TRPM1: variants seen among roughly 807,000 people sequenced by gnomAD.
TRPM1 encodes the protein TRPM1-203 APA Isoform, Intron 10.
In TRPM1, 113 loss-of-function variants were observed where a neutral mutation model predicts 149.4. That is an observed-to-expected ratio of 0.76 (90% confidence interval 0.65 to 0.88). The LOEUF is 0.88. TRPM1 is among the 40% of genes least tolerant of loss of function. TRPM1 has a pLI of 0.00. For missense variants in TRPM1, 1,976 were observed against 2,038.7 expected (o/e 0.97, Z 0.59); for synonymous variants, 741 against 759.5 (o/e 0.98, Z 0.40).
intron 1 of TRPM1, among the ~76,000 whole-genome samples, chr15:31,094,747 G>A (rs2035331682): frequency 6.6e-6 from 1 of 152,214 alleles, no homozygotes; most frequent in Non-Finnish European, 1.5e-5. Context: ...CAAGGATGTG[G>A]AGGAATTGGA....
intron 1 of TRPM1, among the ~76,000 whole-genome samples, chr15:31,148,930 C>T (rs907643032): frequency 1.3e-5 from 2 of 152,172 alleles, no homozygotes; most frequent in African/African-American, 2.4e-5. Context: ...CTCCCCTCCC[C>T]GCAGTCCTGG....
intron 1 of TRPM1, among the ~76,000 whole-genome samples, chr15:31,134,453 A>G (rs2036062133): frequency 6.6e-6 from 1 of 152,214 alleles, no homozygotes; most frequent in Non-Finnish European, 1.5e-5. Flanking sequence ...ATTTAAATCT[A>G]TAAAGGAAAT....
intron 23 of TRPM1, among the ~76,000 whole-genome samples, chr15:31,030,440 C>T (rs1020765909): frequency 6.6e-6 from 1 of 152,190 alleles, no homozygotes; most frequent in Non-Finnish European, 1.5e-5. Flanking sequence ...GGAGCTGGGC[C>T]TACATTCCCC....
rs146628043 is a variant in TRPM1 at position 31,004,309 on chromosome 15, T to A, written c.3630-1239A>T. 2.0e-4 allele frequency among the ~76,000 whole-genome samples: 30 copies of A among 151,274 alleles called. No individual in the cohort carries two copies. The East Asian group carries it at 2.7e-3, about 14-fold the overall frequency. On this transcript the variant is annotated intron_variant, in intron 27 of 27. Transcript: ENST00000256552. ...ATTTCACGGTGGTCAGCCACCCCGC[T>A]CTTTTGTCTTCTGAGCAGATTGCCT...
intron 1 of TRPM1, among the ~76,000 whole-genome samples, chr15:31,125,076 G>A (rs2035929946): frequency 1.3e-5 from 2 of 152,152 alleles, no homozygotes; most frequent in South Asian, 4.1e-4. Context: ...TTGGGAGACT[G>A]AGGTAGGAGA....
intron 1 of TRPM1, among the ~76,000 whole-genome samples, chr15:31,133,028 A>G (rs989252031): frequency 1.3e-5 from 2 of 152,234 alleles, no homozygotes; most frequent in African/African-American, 4.8e-5. Context: ...AGACTAATAC[A>G]GTAAAACTGG....
intron 26 of TRPM1, 96 bp from the exon 27 acceptor site, chr15:31,026,367 T>C: frequency 6.9e-7 from 1 of 1,455,288 alleles, no homozygotes; most frequent in Non-Finnish European, 9.4e-7. Context: ...AATTAAGCTC[T>C]CTTCTCCGCC....
At chr15:31,107,777 C>T (rs972876045) in intron 1 of TRPM1, among the ~76,000 whole-genome samples, 1 of 151,412 alleles carries the variant, frequency 6.6e-6, no homozygotes, top group African/African-American at 2.4e-5. Flanking sequence ...TATAACTTTT[C>T]TTGTGACTTT....
chr15:31,027,078 C>T lies in TRPM1; in HGVS notation c.3333G>A (p.Val1111=). The change falls in exon 26 of 28, where the codon GTG becomes GTA. Residue 1111 remains valine (V), a synonymous_variant. Coordinates refer to ENST00000256552, the MANE Select transcript of TRPM1 (RefSeq NM_001252024.2). ...FFEVKSISNQ[V]WKFQRYQLIM... is the part of the protein sequence containing the mutation. ...TCAGCTGATATCGCTGGAACTTCCA[C>T]ACCTGGTTGGATATTGATTTTACTT... 6.2e-7 allele frequency: 1 copy of T among 1,614,184 alleles called. No individual in the cohort carries two copies. The highest frequency in any genetic ancestry group is 8.5e-7 in the Non-Finnish European group (1 of 1,180,040).
At chr15:31,019,487 C>T (rs1425989125) in intron 27 of TRPM1, among the ~76,000 whole-genome samples, 2 of 152,152 alleles carry the variant, frequency 1.3e-5, no homozygotes, top group African/African-American at 4.8e-5. Context: ...GTGCAACCTT[C>T]GCCTCTCGGG....
chr15:31,149,621 G>A (rs1223881), intron 1 of TRPM1, among the ~76,000 whole-genome samples: 81,422 of 150,360 alleles, frequency 0.54, 24,160 homozygotes, highest in African/African-American at 0.8. Flanking sequence ...CCGGGTTCAC[G>A]CCATTCTCCT....
intron 1 of TRPM1, among the ~76,000 whole-genome samples, chr15:31,124,418 C>T (rs535024191): frequency 3.3e-5 from 5 of 152,102 alleles, no homozygotes; most frequent in South Asian, 2.1e-4. Flanking sequence ...CTTTGGGAGG[C>T]GAAGTCAGGC....
At chr15:31,058,582 CA>C (rs1292178859) in intron 11 of TRPM1, among the ~76,000 whole-genome samples, 7 of 152,246 alleles carry the variant, frequency 4.6e-5, no homozygotes, top group Non-Finnish European at 1.0e-4. Flanking sequence ...AGCAGGACCT[CA>C]ATGATTAAAG....
chr15:31,002,819 A>T lies in TRPM1; in HGVS notation c.3881T>A (p.Leu1294Ter). The T allele has an allele frequency of 6.2e-7, 1 of 1,614,216 alleles. No individual in the cohort carries two copies. Among genetic ancestry groups the T allele is most frequent in the South Asian group, 1.1e-5 (1 of 91,090 alleles). The change falls in exon 28 of 28, where the codon TTG becomes TAG. Residue 1294 changes from leucine to a stop codon, truncating the protein, a stop_gained. Coordinates refer to ENST00000256552, the MANE Select transcript of TRPM1 (RefSeq NM_001252024.2). LOFTEE classifies it low-confidence loss of function (END_TRUNC). ...SSINSADGYS[L>*]YRYHFNGEEL... ...TTCTCCGTTAAAATGATATCGATACAAGCTGTAGCCATCAGCGCTATTGAT... is the reference window on the plus strand; with the variant it reads ...TTCTCCGTTAAAATGATATCGATACTAGCTGTAGCCATCAGCGCTATTGAT...
At chr15:31,114,562 G>A (rs1311170016) in intron 1 of TRPM1, among the ~76,000 whole-genome samples, 1 of 152,092 alleles carries the variant, frequency 6.6e-6, no homozygotes, top group Admixed American at 6.5e-5. Flanking sequence ...CAAAGACAAA[G>A]GTACAATTTT....
In TRPM1 at chr15:31,084,991, C is replaced by T. The variant is rs564454464; in HGVS notation, c.-83-3553G>A. ...GGTATGAGCTGCCGTGCCCAGCCAACATTTTTTCTTTTTAAAGTGAATACA... is the reference window on the plus strand; with the variant it reads ...GGTATGAGCTGCCGTGCCCAGCCAATATTTTTTCTTTTTAAAGTGAATACA... On this transcript the variant is annotated intron_variant, in intron 1 of 27. Coordinates refer to ENST00000256552, the MANE Select transcript of TRPM1 (RefSeq NM_001252024.2). Among the ~76,000 whole-genome samples the T allele has an allele frequency of 1.9e-4, 29 of 152,026 alleles. No individual in the cohort carries two copies. The South Asian group carries it at 5.6e-3, about 29-fold the overall frequency.
intron 1 of TRPM1, among the ~76,000 whole-genome samples, chr15:31,145,982 T>A (rs1253008607): frequency 1.3e-5 from 2 of 151,972 alleles, no homozygotes; most frequent in African/African-American, 4.8e-5. Context: ...AGTTTACGAT[T>A]TTGATTTGGC....
chr15:31,061,650 G>C, intron 9 of TRPM1, 136 bp from the exon 10 acceptor site: 1 of 729,708 alleles, frequency 1.4e-6, no homozygotes, highest in Non-Finnish European at 2.3e-6. Flanking sequence ...AGCAAGTGCT[G>C]TTGATTTCTT....
intron 3 of TRPM1, among the ~76,000 whole-genome samples, chr15:31,072,646 G>A (rs1271165554): frequency 2.6e-5 from 4 of 152,100 alleles, no homozygotes; most frequent in African/African-American, 9.7e-5. Flanking sequence ...CACCAGCAGT[G>A]TCTGAGGGTT....
Sources: gnomAD v4.1 joint callset for allele counts (sites outside exome capture counted in the v4.1 genomes callset) on GRCh38, gnomAD v4.1.1 for gene constraint, MANE v1.5 for transcripts, NCBI Gene and HGNC (gene_info 2026-07-23, HGNC 2026-07-21) for gene names.